EXOC6: variants seen among roughly 807,000 people sequenced by gnomAD.
The protein encoded by EXOC6 is exocyst complex component 6.
A neutral mutation model predicts 112.5 loss-of-function variants in EXOC6; 60 were observed. That is an observed-to-expected ratio of 0.53 (90% CI 0.43 to 0.66). The LOEUF (loss-of-function observed/expected upper bound fraction) is 0.66. Among genes scored for constraint, EXOC6 ranks in the 30% least tolerant of loss-of-function variants. EXOC6 has a pLI of 0.00. For missense variants in EXOC6, 855 were observed against 957.1 expected, an observed-to-expected ratio of 0.89 and a Z score of 1.41; for synonymous variants, 295 against 308.0, an observed-to-expected ratio of 0.96 and a Z score of 0.44.
At chr10:92,963,310 T>C (rs900718048) in intron 17 of EXOC6, among the ~76,000 whole-genome samples, 1 of 152,186 alleles carries the variant, frequency 6.6e-6, no homozygotes, top group Non-Finnish European at 1.5e-5. Flanking sequence ...GGGCTGTAGC[T>C]TTTTACCTAA....
At chr10:92,902,886 T>A (rs999937227) in intron 5 of EXOC6, among the ~76,000 whole-genome samples, 50 of 152,324 alleles carry the variant, frequency 3.3e-4, no homozygotes, top group African/African-American at 1.2e-3. Context: ...TTTTTAAAAT[T>A]CGTCTGTGGT....
At chr10:92,926,634 A>C (rs1335447510) in intron 8 of EXOC6, among the ~76,000 whole-genome samples, 1 of 152,080 alleles carries the variant, frequency 6.6e-6, no homozygotes, top group Non-Finnish European at 1.5e-5. Flanking sequence ...CCCAAACTCA[A>C]ACGATCCTCT....
chr10:92,955,612 G>A lies in EXOC6; in HGVS notation c.1671G>A (p.Leu557=), dbSNP rs1270087432. The A allele has an allele frequency of 6.2e-7, 1 of 1,611,188 alleles. No homozygotes were observed. The highest frequency in any genetic ancestry group is 8.5e-7 in the Non-Finnish European group (1 of 1,178,466). ...AAATCATCATAAACACAACACACCT[G>A]GAGCAAGCTTGTAAATATCTTGAGG... ...LVQIIINTTH[L]EQACKYLEDF... is the part of the protein sequence containing the mutation. Residue 557 remains leucine, a synonymous_variant, in exon 17 of 22, where the codon CTG becomes CTA. Coordinates refer to ENST00000260762, the MANE Select transcript of EXOC6 (RefSeq NM_019053.6).
chr10:92,933,065 T>G (rs187457784), intron 9 of EXOC6, among the ~76,000 whole-genome samples: 1 of 152,286 alleles, frequency 6.6e-6, no homozygotes, highest in East Asian at 1.9e-4. Flanking sequence ...TACTTTTATA[T>G]AATACAGGGA....
rs147556504 is a variant in EXOC6, at chr10:92,874,538, C to G, written c.102-18811C>G. ...TAGTCAGATGAAGGTGTCTGTAAAC[C>G]TTTTTTAATTGTAAGAAATGTGTGT... On this transcript the variant is annotated intron_variant, in intron 1 of 21. Transcript: ENST00000260762. Among the ~76,000 whole-genome samples the G allele has an allele frequency of 5.7e-3, 861 of 152,010 alleles. 6 individuals are homozygous for G. Among genetic ancestry groups the G allele is most frequent in the African/African-American group, 0.017 (713 of 41,416 alleles).
intron 21 of EXOC6, 53 bp from the exon 22 acceptor site, chr10:93,058,170 G>C (rs1846633270): frequency 6.5e-7 from 1 of 1,549,908 alleles, no homozygotes; most frequent in African/African-American, 1.4e-5. Context: ...ACTTGTGACA[G>C]CTTAGCTTTT....
intron 1 of EXOC6, among the ~76,000 whole-genome samples, chr10:92,887,191 G>C (rs1849262270): frequency 6.6e-6 from 1 of 152,042 alleles, no homozygotes; most frequent in Admixed American, 6.6e-5. Context: ...AGAGATTCTT[G>C]GGATAAGAGT....
intron 21 of EXOC6, among the ~76,000 whole-genome samples, chr10:93,057,912 T>C (rs1211993943): frequency 6.6e-6 from 1 of 152,206 alleles, no homozygotes; most frequent in Non-Finnish European, 1.5e-5. Context: ...GCAGAGTCTA[T>C]ACAGGGTATG....
intron 8 of EXOC6, among the ~76,000 whole-genome samples, chr10:92,928,038 C>T (rs1851820117): frequency 6.6e-6 from 1 of 152,142 alleles, no homozygotes; most frequent in South Asian, 2.1e-4. Flanking sequence ...CACTGGGCTT[C>T]CCTCACTGAT....
intron 17 of EXOC6, among the ~76,000 whole-genome samples, chr10:92,961,730 CAGTT>C (rs1410033273): frequency 6.8e-6 from 1 of 148,070 alleles, no homozygotes; most frequent in Non-Finnish European, 1.5e-5. Context: ...CATCAGTAAT[CAGTT>C]AATTATAGAA....
At chr10:92,979,165 C>T (rs1842735492) in intron 18 of EXOC6, among the ~76,000 whole-genome samples, 1 of 152,038 alleles carries the variant, frequency 6.6e-6, no homozygotes, top group South Asian at 2.1e-4. Flanking sequence ...GGATCCCTTC[C>T]CCTCCCTTCC....
Position 92,909,453 on chromosome 10 carries a change from A to G in EXOC6, c.485A>G (p.Glu162Gly). 1 of 1,612,978 alleles carries G rather than the reference A, an allele frequency of 6.2e-7. No homozygotes were observed. The highest frequency in any genetic ancestry group is 8.5e-7 in the Non-Finnish European group (1 of 1,179,506). ...KRYYSALKTM[E>G]QLENVYFPWV... Reference sequence around the variant, plus strand: ...TACTATTCTGCCCTAAAAACTATGGAACAATTAGAGAATGTGTACTTTCCC... The same window carrying G: ...TACTATTCTGCCCTAAAAACTATGGGACAATTAGAGAATGTGTACTTTCCC... Residue 162 changes from glutamate to glycine, a missense_variant, in exon 6 of 22, where the codon GAA (glutamate) becomes GGA (glycine). By Grantham distance (98) the Glu-to-Gly change is moderately conservative. Transcript: ENST00000260762.
intron 1 of EXOC6, among the ~76,000 whole-genome samples, chr10:92,884,422 A>G (rs1396378255): frequency 2.0e-5 from 3 of 152,204 alleles, no homozygotes; most frequent in African/African-American, 7.2e-5. Context: ...TAGCATTTTA[A>G]TGGCAATTGC....
intron 20 of EXOC6, among the ~76,000 whole-genome samples, chr10:93,047,701 A>G (rs1419104547): frequency 6.6e-6 from 1 of 152,086 alleles, no homozygotes; most frequent in Admixed American, 6.5e-5. Flanking sequence ...TAATCCTAGC[A>G]TTTTGGGAGG....
chr10:93,052,151 G>GA lies in EXOC6; in HGVS notation c.2170-4767dup, dbSNP rs377107494. Among the ~76,000 whole-genome samples the GA allele has an allele frequency of 2.8e-3, 426 of 152,236 alleles. 2 individuals carry two copies. The highest frequency in any genetic ancestry group is 9.8e-3 in the African/African-American group (409 of 41,544). On this transcript the variant is annotated intron_variant, in intron 20 of 21. Coordinates refer to ENST00000260762, the MANE Select transcript of EXOC6 (RefSeq NM_019053.6). ...CAAAGAAAGCTAAATCAGATTCAAG[G>GA]AAAAAATGACCTGGCACTGTGGGTT...
chr10:93,020,080 T>C (rs1160168110), intron 20 of EXOC6, among the ~76,000 whole-genome samples: 1 of 152,078 alleles, frequency 6.6e-6, no homozygotes, highest in African/African-American at 2.4e-5. Context: ...CTAGAAAAAA[T>C]ACATATTAAA....
intron 1 of EXOC6, among the ~76,000 whole-genome samples, chr10:92,861,264 G>A (rs1056539083): frequency 6.6e-6 from 1 of 152,124 alleles, no homozygotes; most frequent in Non-Finnish European, 1.5e-5. Context: ...AGATCTGGGG[G>A]CACGAACAGT....
At chr10:92,937,781 GC>G (rs999312410) in intron 12 of EXOC6, among the ~76,000 whole-genome samples, 14 of 152,102 alleles carry the variant, frequency 9.2e-5, no homozygotes, top group Non-Finnish European at 1.6e-4. Context: ...TGTGATTTTT[GC>G]CATGGAGAGC....
intron 17 of EXOC6, among the ~76,000 whole-genome samples, chr10:92,956,797 T>TTAA (rs1426327320): frequency 6.6e-6 from 1 of 152,150 alleles, no homozygotes; most frequent in Non-Finnish European, 1.5e-5. Context: ...TACTCTGAAG[T>TTAA]TAGATTGCTC....
Sources: gnomAD v4.1 joint callset for allele counts (sites outside exome capture counted in the v4.1 genomes callset) on GRCh38, gnomAD v4.1.1 for gene constraint, MANE v1.5 for transcripts, NCBI Gene and HGNC (gene_info 2026-07-23, HGNC 2026-07-21) for gene names.